TMEM237: variants seen among roughly 807,000 people sequenced by gnomAD.
TMEM237 encodes the protein amyotrophic lateral sclerosis 2 (juvenile) chromosome region, candidate 4.
Under a neutral mutation model 59.1 loss-of-function variants are expected in TMEM237, and 51 were observed. That is an observed-to-expected ratio of 0.86 (90% CI 0.69 to 1.09). The LOEUF (loss-of-function observed/expected upper bound fraction) is 1.09, where lower values mean the gene tolerates loss of function less well. TMEM237 is among the 50% of genes least tolerant of loss of function. The probability of loss-of-function intolerance (pLI) is 0.00; values close to 1 mark genes in which losing one functional copy is unlikely to be tolerated. For missense variants in TMEM237, 475 were observed against 478.3 expected, an observed-to-expected ratio of 0.99 and a Z score of 0.06; for synonymous variants, 140 against 166.1, an observed-to-expected ratio of 0.84 and a Z score of 1.21.
Position 201,628,118 on chromosome 2 carries a change from G to A in TMEM237, c.901C>T (p.Arg301Ter), listed in dbSNP as rs775449384. 1.4e-5 allele frequency: 22 copies of A among 1,607,142 alleles called. No homozygotes were observed. Among genetic ancestry groups the A allele is most frequent in the African/African-American group, 1.2e-4 (9 of 74,802 alleles). The change falls in exon 10 of 13, where the codon CGA becomes TGA. Residue 301 changes from arginine (R) to a stop codon, truncating the protein, a stop_gained. Coordinates refer to ENST00000409883, the MANE Select transcript of TMEM237 (RefSeq NM_001044385.3). LOFTEE classifies it high-confidence loss of function. ...GTAGGATCCAGGGCCAAAAAATTTC[G>A]GATTGCTACTGATATTTTAGCAAAG... ...IDFAKISVAI[R>*]NFLALDPTAL... is the part of the protein sequence containing the mutation.
intron 1 of TMEM237, chr2:201,642,935 T>C: frequency 7.5e-7 from 1 of 1,325,592 alleles, no homozygotes; most frequent in Non-Finnish European, 9.6e-7. Flanking sequence ...CGGTGATTTG[T>C]TTGCGGGAAG....
Position 201,633,374 on chromosome 2 carries a change from T to C in TMEM237, c.332A>G (p.Glu111Gly), listed in dbSNP as rs1449476235. ...KSSSSSLLRN[E>G]NGIDAEPAEE... ...AGCTGGCTCCGCATCAATACCATTTTCATTTCGTAATAAAGATGAACTAGA... is the reference window on the plus strand; with the variant it reads ...AGCTGGCTCCGCATCAATACCATTTCCATTTCGTAATAAAGATGAACTAGA... Residue 111 changes from glutamate to glycine, a missense_variant, in exon 6 of 13, where the codon GAA becomes GGA. Transcript: ENST00000409883. 1 of 1,591,434 alleles carries C rather than the reference T, an allele frequency of 6.3e-7. No individual in the cohort carries two copies. The highest frequency in any genetic ancestry group is 1.8e-5 in the Admixed American group (1 of 56,972).
chr2:201,642,744 C>A, intron 1 of TMEM237: 1 of 1,481,650 alleles, frequency 6.7e-7, no homozygotes, highest in South Asian at 1.4e-5. Context: ...CTGGCTAGTA[C>A]CCCGCGCGCA....
chr2:201,632,605 C>T (rs950657467), intron 6 of TMEM237, among the ~76,000 whole-genome samples: 11 of 152,150 alleles, frequency 7.2e-5, no homozygotes, highest in African/African-American at 2.7e-4. Context: ...AGGGGCTTCC[C>T]CCTTCACTCA....
chr2:201,626,310 A>G (rs1482282480), intron 11 of TMEM237, 163 bp from the exon 12 acceptor site: 19 of 707,522 alleles, frequency 2.7e-5, no homozygotes, highest in Non-Finnish European at 1.6e-5. Flanking sequence ...TACCACATAT[A>G]TAATGAGAAC....
intron 2 of TMEM237, 28 bp downstream of exon 2, chr2:201,640,865 T>A (rs777404426): frequency 3.2e-6 from 5 of 1,540,694 alleles, no homozygotes; most frequent in Non-Finnish European, 3.5e-6. Flanking sequence ...TAAAGCTCAA[T>A]AATGAAATTA....
intron 11 of TMEM237, 123 bp downstream of exon 11, chr2:201,627,198 T>A (rs1957767397): frequency 1.6e-6 from 1 of 641,574 alleles, no homozygotes. Flanking sequence ...ATAAGTATTT[T>A]CTTGCCATAT....
Position 201,639,042 on chromosome 2 carries a change from T to C in TMEM237, c.83A>G (p.Asp28Gly). Residue 28 changes from aspartate (D) to glycine (G), a missense_variant, in exon 4 of 13, where the codon GAT becomes GGT. By Grantham distance (94) the Asp-to-Gly change is moderately conservative. Coordinates refer to ENST00000409883, the MANE Select transcript of TMEM237 (RefSeq NM_001044385.3). ...RALPPVPSQD[D>G]IPLSRPKKKK... ...TTTCTTAGGACGACTAAGTGGAATA[T>C]CATCTATAAAGCAAGAAAAAACGTC... 6 of 1,578,566 alleles carry C rather than the reference T, an allele frequency of 3.8e-6. No homozygotes were observed. The highest frequency in any genetic ancestry group is 3.4e-6 in the Non-Finnish European group (4 of 1,161,046).
chr2:201,638,939 GA>G lies in TMEM237; in HGVS notation c.136+49del, dbSNP rs534912092. 515 of 1,521,008 alleles carry G rather than the reference GA, an allele frequency of 3.4e-4. 4 individuals are homozygous for G. The South Asian group carries it at 5.5e-3, about 16-fold the overall frequency. The allele number at this position is 1,521,008 out of a possible 1,614,324, so 94.2% of individuals were successfully genotyped here. ...CTTATCTGTGATGTTTACTACGCCT[GA>G]GGTCCTGGGAAAACTTGTGATCCCA... On this transcript the variant is annotated intron_variant, in intron 4 of 12. Transcript: ENST00000409883.
In TMEM237 at chr2:201,627,350, GT is replaced by G; in HGVS notation, c.1007del (p.Tyr336SerfsTer26). The G allele has an allele frequency of 6.2e-7, 1 of 1,608,750 alleles. No homozygotes were observed. Among genetic ancestry groups the G allele is most frequent in the Non-Finnish European group, 8.5e-7 (1 of 1,177,462 alleles). ...QQMTSDRIHLYTPSSVNGSLW... is the reference protein window; with the variant it reads ...QQMTSDRIHLXTPSSVNGSLW... ...GGCTACCATTAACAGAAGAAGGTGT[GT>G]AAAGGTGGATTCTGTCACTTGTCAT... On this transcript the variant is annotated frameshift_variant, in exon 11 of 13. Transcript: ENST00000409883. LOFTEE classifies it high-confidence loss of function.
chr2:201,641,214 A>T (rs976102425), intron 1 of TMEM237, among the ~76,000 whole-genome samples: 1 of 151,416 alleles, frequency 6.6e-6, no homozygotes, highest in African/African-American at 2.4e-5. Context: ...CTGGTCTTGA[A>T]CTCCTGACCT....
rs549571750 is a variant in TMEM237, at chr2:201,639,308, T to C, written c.80-263A>G. Among the ~76,000 whole-genome samples the C allele has an allele frequency of 8.5e-5, 13 of 152,344 alleles. 1 individual carries two copies. In the South Asian group the frequency reaches 2.3e-3, roughly 27 times the overall value. On this transcript the variant is annotated intron_variant, in intron 3 of 12. Transcript: ENST00000409883. The stretch of plus-strand genomic sequence containing the variant: ...CAACAAATATTCATCTGATCCCCTA[T>C]ATTTCCCAGCCTCCTTGCACATAGG...
At chr2:201,641,806 T>G (rs892746966) in intron 1 of TMEM237, among the ~76,000 whole-genome samples, 2 of 152,158 alleles carry the variant, frequency 1.3e-5, no homozygotes, top group African/African-American at 4.8e-5. Context: ...GAGTTTGAGC[T>G]GAGACCTGAA....
At chr2:201,629,108 A>C in intron 9 of TMEM237, 122 bp downstream of exon 9, 1 of 744,044 alleles carries the variant, frequency 1.3e-6, no homozygotes, top group Non-Finnish European at 1.9e-6. Flanking sequence ...CTGGCCTTAA[A>C]ACTTTTTGAA....
intron 4 of TMEM237, among the ~76,000 whole-genome samples, chr2:201,637,744 C>CAAAAAAAAA (rs60167652): frequency 3.2e-5 from 2 of 63,418 alleles, no homozygotes; most frequent in African/African-American, 1.2e-4. Context: ...GACTCCGTCT[C>CAAAAAAAAA]AAAAAAAAAA....
chr2:201,632,484 A>G (rs1293701343), intron 6 of TMEM237, among the ~76,000 whole-genome samples: 1 of 152,164 alleles, frequency 6.6e-6, no homozygotes, highest in African/African-American at 2.4e-5. Context: ...AGATACTGAT[A>G]AGGTTTGGCT....
In TMEM237 at chr2:201,621,670, G is replaced by GT. The variant is rs367801323; in HGVS notation, c.*2584_*2585insA. 6.5e-4 allele frequency: 100 copies of GT among 152,672 alleles called. 1 individual carries two copies. Among genetic ancestry groups the GT allele is most frequent in the African/African-American group, 2.2e-3 (91 of 41,532 alleles). 9.5% of individuals were successfully genotyped at this position (152,672 alleles called of 1,614,324 possible). On this transcript the variant is annotated 3_prime_UTR_variant, in exon 13 of 13. Transcript: ENST00000409883. Reference sequence around the variant, plus strand: ...TTTAGAAACTGAGCTCTTTGTACCTGGCCAAGGGCTCTGATCAGCAAGGTG... The same window carrying GT: ...TTTAGAAACTGAGCTCTTTGTACCTGTGCCAAGGGCTCTGATCAGCAAGGTG...
intron 8 of TMEM237, 93 bp from the exon 9 acceptor site, chr2:201,629,514 C>T (rs1423693566): frequency 4.4e-5 from 60 of 1,372,720 alleles, no homozygotes; most frequent in Non-Finnish European, 1.8e-5. Flanking sequence ...GAATAAAATT[C>T]AACATTTCAT....
At chr2:201,642,843 T>C in intron 1 of TMEM237, 1 of 1,343,282 alleles carries the variant, frequency 7.4e-7, no homozygotes, top group South Asian at 2.0e-5. Context: ...GGCCTCGGAG[T>C]TGGGGGTAAT....
Sources: allele counts gnomAD v4.1 joint callset (sites outside exome capture counted in the v4.1 genomes callset), GRCh38; gene constraint gnomAD v4.1.1; transcripts MANE v1.5; gene names NCBI Gene and HGNC (gene_info 2026-07-23, HGNC 2026-07-21).